Variants in SDCCAG8 observed in about 807,000 individuals in gnomAD.
SDCCAG8 encodes the protein serologically defined colon cancer antigen 8.
In SDCCAG8, 74 loss-of-function variants were observed where a neutral mutation model predicts 101.8. That is an observed-to-expected ratio of 0.73 (90% CI 0.60 to 0.88). The LOEUF (loss-of-function observed/expected upper bound fraction) is 0.88, where lower values mean the gene tolerates loss of function less well. SDCCAG8 is among the 40% of genes least tolerant of loss of function. The probability of loss-of-function intolerance (pLI) is 0.00; values close to 1 mark genes in which losing one functional copy is unlikely to be tolerated. For missense variants in SDCCAG8, 787 were observed against 822.6 expected (o/e 0.96, Z 0.53); for synonymous variants, 281 against 292.9 (o/e 0.96, Z 0.41).
At chr1:243,393,110 G>A (rs2078804515) in intron 13 of SDCCAG8, among the ~76,000 whole-genome samples, 1 of 152,166 alleles carries the variant, frequency 6.6e-6, no homozygotes, top group African/African-American at 2.4e-5. Flanking sequence ...AGTGGGAGGT[G>A]GTTGTACAAT....
At chr1:243,347,117 G>T (rs1444694525) in intron 12 of SDCCAG8, among the ~76,000 whole-genome samples, 1 of 151,156 alleles carries the variant, frequency 6.6e-6, no homozygotes, top group South Asian at 2.1e-4. Flanking sequence ...TGTCCTCATC[G>T]TCACCTTCAT....
At chr1:243,332,454 G>A (rs2074675150) in intron 10 of SDCCAG8, among the ~76,000 whole-genome samples, 2 of 151,602 alleles carry the variant, frequency 1.3e-5, no homozygotes, top group Admixed American at 1.3e-4. Context: ...CACAGTCCAG[G>A]TCTGGAGGTG....
At chr1:243,482,600 A>C (rs953123327) in intron 16 of SDCCAG8, among the ~76,000 whole-genome samples, 1 of 152,140 alleles carries the variant, frequency 6.6e-6, no homozygotes, top group East Asian at 1.9e-4. Flanking sequence ...CCTGTGCCTG[A>C]GATTAGGACG....
intron 16 of SDCCAG8, among the ~76,000 whole-genome samples, chr1:243,436,567 T>A (rs2082148221): frequency 1.3e-5 from 2 of 152,228 alleles, no homozygotes; most frequent in South Asian, 4.1e-4. Flanking sequence ...AGGAACACTC[T>A]TTTTAAATTC....
intron 15 of SDCCAG8, among the ~76,000 whole-genome samples, chr1:243,418,762 A>G (rs1304692256): frequency 6.6e-6 from 1 of 152,214 alleles, no homozygotes; most frequent in Non-Finnish European, 1.5e-5. Flanking sequence ...GGACAAATGT[A>G]TTTGACCTAC....
At chr1:243,256,959 GTATT>G (rs2066771644) in intron 1 of SDCCAG8, among the ~76,000 whole-genome samples, 1 of 152,142 alleles carries the variant, frequency 6.6e-6, no homozygotes, top group South Asian at 2.1e-4. Flanking sequence ...AATAATGTCT[GTATT>G]TATTTTCCTT....
intron 3 of SDCCAG8, 36 bp downstream of exon 3, chr1:243,271,099 C>T: frequency 1.5e-6 from 2 of 1,378,682 alleles, no homozygotes; most frequent in Non-Finnish European, 2.1e-6. Context: ...CAAAGCATTC[C>T]TGTGTTTTAC....
intron 16 of SDCCAG8, among the ~76,000 whole-genome samples, chr1:243,472,109 CAG>C (rs1553372855): frequency 2.0e-5 from 3 of 152,156 alleles, no homozygotes; most frequent in Non-Finnish European, 4.4e-5. Context: ...TTAGGGCAAA[CAG>C]ATCTTGTTTT....
intron 13 of SDCCAG8, among the ~76,000 whole-genome samples, chr1:243,400,211 T>C (rs1393718550): frequency 6.6e-6 from 1 of 152,252 alleles, no homozygotes; most frequent in African/African-American, 2.4e-5. Context: ...ACTGTGACTC[T>C]CTTAGAAAGG....
intron 16 of SDCCAG8, among the ~76,000 whole-genome samples, chr1:243,470,193 G>A (rs915776608): frequency 6.6e-5 from 10 of 152,184 alleles, no homozygotes; most frequent in African/African-American, 2.2e-4. Flanking sequence ...AGTGCCTTCT[G>A]CCCAGATGTG....
rs1047427016 is a variant in SDCCAG8, at chr1:243,304,788, A to C, written c.740+11A>C. The C allele has an allele frequency of 2.0e-6, 3 of 1,502,100 alleles. No homozygotes were observed. The highest frequency in any genetic ancestry group is 2.8e-6 in the Non-Finnish European group (3 of 1,078,182). The allele number at this position is 1,502,100 out of a possible 1,614,324, so 93.0% of individuals were successfully genotyped here. ...ATTGAAGTTTTTGAGGTAAAGTGAA[A>C]TCGTCCATTTATAGTCATACCAAAA... is the stretch of plus-strand genomic sequence containing the variant. On this transcript the variant is annotated intron_variant, in intron 7 of 17. Coordinates refer to ENST00000366541, the MANE Select transcript of SDCCAG8 (RefSeq NM_006642.5).
chr1:243,440,497 T>C (rs763267174), intron 16 of SDCCAG8, among the ~76,000 whole-genome samples: 3 of 152,148 alleles, frequency 2.0e-5, no homozygotes, highest in Non-Finnish European at 4.4e-5. Context: ...ACTTTGCCTG[T>C]CGGAGAGCCT....
chr1:243,362,517 G>A (rs2076777254), intron 12 of SDCCAG8, among the ~76,000 whole-genome samples: 1 of 152,258 alleles, frequency 6.6e-6, no homozygotes. Flanking sequence ...GTAAAATGAG[G>A]ATAGATACAA....
intron 16 of SDCCAG8, among the ~76,000 whole-genome samples, chr1:243,471,288 C>A (rs1661210443): frequency 1.3e-5 from 2 of 152,234 alleles, no homozygotes; most frequent in Non-Finnish European, 2.9e-5. Flanking sequence ...AGCCCAGGAA[C>A]AGCCTTGCCG....
intron 6 of SDCCAG8, among the ~76,000 whole-genome samples, chr1:243,296,186 G>A (rs1177402523): frequency 6.6e-6 from 1 of 151,970 alleles, no homozygotes; most frequent in Non-Finnish European, 1.5e-5. Context: ...GGTAGAGATG[G>A]GGTTTCGCCA....
chr1:243,307,682 C>T (rs574416563), intron 7 of SDCCAG8: 108 of 1,273,874 alleles, frequency 8.5e-5, no homozygotes, highest in Middle Eastern at 3.2e-4. Context: ...GTTAATATAA[C>T]ATTAATGGAG....
At chr1:243,302,449 C>T (rs957239048) in intron 6 of SDCCAG8, among the ~76,000 whole-genome samples, 5 of 152,122 alleles carry the variant, frequency 3.3e-5, no homozygotes, top group African/African-American at 1.2e-4. Context: ...TGCAAATGTA[C>T]TCAGGTTTAT....
At chr1:243,478,143 G>A (rs1006148370) in intron 16 of SDCCAG8, among the ~76,000 whole-genome samples, 6 of 152,186 alleles carry the variant, frequency 3.9e-5, no homozygotes, top group African/African-American at 1.4e-4. Flanking sequence ...TGCCCAGAAG[G>A]TTACCCAGCG....
At chr1:243,294,459 C>T (rs1203974016) in intron 6 of SDCCAG8, among the ~76,000 whole-genome samples, 1 of 76,088 alleles carries the variant, frequency 1.3e-5, no homozygotes, top group African/African-American at 3.4e-5. Flanking sequence ...ACACCCTCCA[C>T]TCCCCCCAAA....
Sources: allele counts gnomAD v4.1 joint callset (sites outside exome capture counted in the v4.1 genomes callset), GRCh38; gene constraint gnomAD v4.1.1; transcripts MANE v1.5; gene names NCBI Gene and HGNC (gene_info 2026-07-23, HGNC 2026-07-21).